The following LAPTM4B variants were observed in gnomAD, a reference collection of about 807,000 sequenced individuals.
LAPTM4B encodes the protein lysosomal protein transmembrane 4 beta.
LAPTM4B carries 26 observed loss-of-function variants against 28.5 expected under a neutral mutation model. That is an observed-to-expected ratio of 0.91 (90% CI 0.67 to 1.27). The LOEUF (loss-of-function observed/expected upper bound fraction) is 1.27, where lower values mean the gene tolerates loss of function less well. LAPTM4B is among the 50% of genes most tolerant of loss of function. The pLI, the probability that LAPTM4B is intolerant of heterozygous loss-of-function variation, is 0.00. For synonymous variants in LAPTM4B, 109 were observed against 106.4 expected (o/e 1.02, Z -0.15); for missense variants, 288 against 285.8 (o/e 1.01, Z -0.06).
chr8:97,795,837 T>TCAAAAA (rs1816572506), intron 1 of LAPTM4B, among the ~76,000 whole-genome samples: 1 of 114,132 alleles, frequency 8.8e-6, no homozygotes, highest in Non-Finnish European at 1.7e-5. Flanking sequence ...ACTCTGTCTT[T>TCAAAAA]AAAAAAAAAA....
At chr8:97,824,963 C>CTT in intron 5 of LAPTM4B, 95 bp from the exon 6 acceptor site, 1 of 696,588 alleles carries the variant, frequency 1.4e-6, no homozygotes. Flanking sequence ...TTGCTTATGT[C>CTT]AATAAAAGTT....
intron 6 of LAPTM4B, among the ~76,000 whole-genome samples, chr8:97,835,684 C>T (rs1364001108): frequency 1.3e-5 from 2 of 152,166 alleles, no homozygotes; most frequent in East Asian, 3.8e-4. Context: ...CTGCAGCTCC[C>T]TTGGGCGGGC....
chr8:97,832,729 CAG>C (rs1817202543), intron 6 of LAPTM4B, among the ~76,000 whole-genome samples: 1 of 61,912 alleles, frequency 1.6e-5, no homozygotes, highest in Non-Finnish European at 4.5e-5. Flanking sequence ...TTTTTTGAGA[CAG>C]AGTCTTGCTC....
intron 1 of LAPTM4B, among the ~76,000 whole-genome samples, chr8:97,776,581 G>A (rs1050063345): frequency 6.6e-6 from 1 of 152,198 alleles, no homozygotes; most frequent in South Asian, 2.1e-4. Context: ...GTCAATGCTC[G>A]TTCTCCCTGG....
chr8:97,830,377 C>T (rs1817164829), intron 6 of LAPTM4B, among the ~76,000 whole-genome samples: 1 of 152,080 alleles, frequency 6.6e-6, no homozygotes, highest in Admixed American at 6.6e-5. Flanking sequence ...AGGGTGGCAC[C>T]TTGAGGGTGA....
At chr8:97,801,843 CAAAA>C (rs34138394) in intron 1 of LAPTM4B, among the ~76,000 whole-genome samples, 12 of 131,360 alleles carry the variant, frequency 9.1e-5, no homozygotes, top group Non-Finnish European at 1.1e-4. Context: ...AACTCCATCT[CAAAA>C]AAAAAAAAAA....
intron 6 of LAPTM4B, among the ~76,000 whole-genome samples, chr8:97,840,341 CAGAT>C (rs1817326196): frequency 1.3e-5 from 2 of 152,166 alleles, no homozygotes; most frequent in Non-Finnish European, 2.9e-5. Flanking sequence ...TCAAATAATT[CAGAT>C]AGCTCCTTTG....
intron 5 of LAPTM4B, among the ~76,000 whole-genome samples, chr8:97,822,963 T>A (rs868486973): frequency 2.6e-5 from 4 of 152,140 alleles, no homozygotes; most frequent in Middle Eastern, 3.4e-3. Context: ...TGCCTCAGCC[T>A]CCCGAGTAGT....
chr8:97,814,828 G>A (rs1373608026), intron 2 of LAPTM4B, among the ~76,000 whole-genome samples: 1 of 152,048 alleles, frequency 6.6e-6, no homozygotes, highest in Non-Finnish European at 1.5e-5. Context: ...CAAGTAGCTG[G>A]GTCAGCAGGT....
At chr8:97,818,441 TGTGA>T (rs920952245) in intron 4 of LAPTM4B, among the ~76,000 whole-genome samples, 7 of 152,180 alleles carry the variant, frequency 4.6e-5, no homozygotes, top group Non-Finnish European at 7.4e-5. Context: ...ATCAATGCTG[TGTGA>T]GTGTTCTGTG....
intron 1 of LAPTM4B, among the ~76,000 whole-genome samples, chr8:97,777,956 C>G (rs1242051317): frequency 6.6e-6 from 1 of 152,166 alleles, no homozygotes; most frequent in Non-Finnish European, 1.5e-5. Context: ...TTTGTAAAAT[C>G]TAGGGCATTG....
At chr8:97,781,312 T>A (rs1233847702) in intron 1 of LAPTM4B, among the ~76,000 whole-genome samples, 2 of 97,454 alleles carry the variant, frequency 2.1e-5, no homozygotes, top group Non-Finnish European at 4.1e-5. Flanking sequence ...GGAGTTTTGC[T>A]CTTATTGCTC....
chr8:97,784,493 G>A (rs1177208133), intron 1 of LAPTM4B, among the ~76,000 whole-genome samples: 1 of 152,176 alleles, frequency 6.6e-6, no homozygotes, highest in African/African-American at 2.4e-5. Context: ...AGGCTGGAGT[G>A]CAGTGGTGGG....
chr8:97,787,379 A>T (rs4492342), intron 1 of LAPTM4B, among the ~76,000 whole-genome samples: 1 of 148,418 alleles, frequency 6.7e-6, no homozygotes, highest in Non-Finnish European at 1.5e-5. Context: ...TCCGCCTCCC[A>T]GGTTCACGCC....
chr8:97,808,591 TA>T (rs1021012801), intron 2 of LAPTM4B, among the ~76,000 whole-genome samples: 1 of 152,060 alleles, frequency 6.6e-6, no homozygotes, highest in South Asian at 2.1e-4. Flanking sequence ...AAAAGAAGTT[TA>T]AAAAAACAGA....
rs1816594943 is a variant in LAPTM4B, at chr8:97,796,986, G to T, written c.100-8367G>T. 3.3e-5 allele frequency among the ~76,000 whole-genome samples: 5 copies of T among 151,788 alleles called. No homozygotes were observed. In the South Asian group the frequency reaches 1.0e-3, roughly 32 times the overall value. On this transcript the variant is annotated intron_variant, in intron 1 of 6. Transcript: ENST00000521545. ...AAATAATAAAATAAAGAAATGGCCG[G>T]GTACAATGGCTCATGCTTGTGATCC...
At chr8:97,809,014 AAT>A (rs1816792361) in intron 2 of LAPTM4B, among the ~76,000 whole-genome samples, 1 of 152,186 alleles carries the variant, frequency 6.6e-6, no homozygotes, top group Non-Finnish European at 1.5e-5. Flanking sequence ...AGTCCTTTCA[AAT>A]ATATAAAATA....
At chr8:97,841,849 C>G (rs998282724) in intron 6 of LAPTM4B, among the ~76,000 whole-genome samples, 2 of 152,082 alleles carry the variant, frequency 1.3e-5, no homozygotes, top group Admixed American at 1.3e-4. Context: ...AAACAAGATG[C>G]ATTATAGGTG....
At position 97,851,636 on chromosome 8, in the gene LAPTM4B, A is replaced by T. The variant is rs1040270056; in HGVS notation, c.*162A>T. ...TAGATTGAAAACTGTAGTTTTCAAC[A>T]TATGCTTTGCTGGAACACTGTGATA... is the stretch of plus-strand genomic sequence containing the variant. On this transcript the variant is annotated 3_prime_UTR_variant, in exon 7 of 7. Transcript: ENST00000521545. The T allele has an allele frequency of 9.5e-6, 6 of 632,528 alleles. No homozygotes were observed. The Admixed American group carries it at 1.0e-4, about 11-fold the overall frequency. The allele number at this position is 632,528 out of a possible 1,614,324, so 39.2% of individuals were successfully genotyped here. A position where few individuals can be genotyped will look rare whatever the true frequency, so the allele number is the denominator to read the frequency against.
Sources: gnomAD v4.1 joint callset for allele counts (sites outside exome capture counted in the v4.1 genomes callset) on GRCh38, gnomAD v4.1.1 for gene constraint, MANE v1.5 for transcripts, NCBI Gene and HGNC (gene_info 2026-07-23, HGNC 2026-07-21) for gene names.